PDE4D: variants seen among roughly 807,000 people sequenced by gnomAD.
The protein encoded by PDE4D is phosphodiesterase 4D.
A neutral mutation model predicts 87.4 loss-of-function variants in PDE4D; 24 were observed. That is an observed-to-expected ratio of 0.27 (90% confidence interval 0.20 to 0.39). PDE4D has a LOEUF of 0.39. Ranked by LOEUF, PDE4D falls within the 10% of genes least tolerant of loss-of-function variation. The pLI is 1.00. For missense variants in PDE4D, 714 were observed against 1,041.0 expected, an observed-to-expected ratio of 0.69 and a Z score of 4.32; for synonymous variants, 384 against 383.2, an observed-to-expected ratio of 1.00 and a Z score of -0.02.
intron 1 of PDE4D, among the ~76,000 whole-genome samples, chr5:60,475,914 A>G (rs529110495): frequency 1.3e-5 from 2 of 152,104 alleles, no homozygotes; most frequent in South Asian, 2.1e-4. Context: ...GGTGCCTAAC[A>G]TAGAGTGACA....
intron 1 of PDE4D, among the ~76,000 whole-genome samples, chr5:59,649,956 G>C (rs150136863): frequency 0.01 from 887 of 86,710 alleles, 15 homozygotes; most frequent in African/African-American, 0.037. Flanking sequence ...TGTCACTGTA[G>C]TGTTTCTTCA....
chr5:60,039,264 A>G (rs1217249338), intron 2 of PDE4D, among the ~76,000 whole-genome samples: 1 of 151,750 alleles, frequency 6.6e-6, no homozygotes, highest in Non-Finnish European at 1.5e-5. Context: ...GCCATAAAAA[A>G]ATGAGTTCAT....
At chr5:60,420,776 G>A (rs1743019942) in intron 1 of PDE4D, among the ~76,000 whole-genome samples, 1 of 152,168 alleles carries the variant, frequency 6.6e-6, no homozygotes, top group African/African-American at 2.4e-5. Flanking sequence ...CAAGGGGTTG[G>A]GGGATTTCCC....
intron 1 of PDE4D, among the ~76,000 whole-genome samples, chr5:59,464,386 T>C (rs6880654): frequency 0.19 from 27,974 of 151,058 alleles, 2,879 homozygotes; most frequent in African/African-American, 0.34. Context: ...AGGTGGGACA[T>C]GCGGGCAGCA....
intron 1 of PDE4D, among the ~76,000 whole-genome samples, chr5:59,572,004 C>T (rs1015221412): frequency 2.0e-5 from 3 of 152,160 alleles, no homozygotes; most frequent in Admixed American, 2.0e-4. Context: ...TCATGATTCT[C>T]ATTTTCCTTA....
At chr5:59,840,734 G>A (rs976155953) in intron 1 of PDE4D, among the ~76,000 whole-genome samples, 1 of 152,042 alleles carries the variant, frequency 6.6e-6, no homozygotes, top group East Asian at 1.9e-4. Context: ...CCTTGTTAGG[G>A]AGAACATTAT....
intron 1 of PDE4D, among the ~76,000 whole-genome samples, chr5:60,415,185 C>T (rs1742382781): frequency 6.6e-6 from 1 of 152,250 alleles, no homozygotes; most frequent in East Asian, 1.9e-4. Context: ...TCTGATCAGG[C>T]TATGAGACAA....
chr5:59,988,098 A>G (rs1762621286), intron 3 of PDE4D: 1 of 160,740 alleles, frequency 6.2e-6, no homozygotes, highest in Non-Finnish European at 1.4e-5. Context: ...TTGATTCCAA[A>G]TTCATTTTGC....
intron 1 of PDE4D, among the ~76,000 whole-genome samples, chr5:60,422,801 T>C (rs965673344): frequency 6.6e-6 from 1 of 152,142 alleles, no homozygotes; most frequent in African/African-American, 2.4e-5. Flanking sequence ...AGGAGACCCA[T>C]CTCACATGCA....
chr5:59,804,143 T>C (rs1232023615), intron 1 of PDE4D, among the ~76,000 whole-genome samples: 1 of 152,198 alleles, frequency 6.6e-6, no homozygotes, highest in Non-Finnish European at 1.5e-5. Flanking sequence ...CAGTGTACAC[T>C]GTACCCAATA....
intron 1 of PDE4D, among the ~76,000 whole-genome samples, chr5:60,224,174 T>C (rs1744825134): frequency 6.6e-6 from 1 of 152,134 alleles, no homozygotes; most frequent in South Asian, 2.1e-4. Flanking sequence ...AGATATTGCA[T>C]AATTACAAAA....
intron 5 of PDE4D, among the ~76,000 whole-genome samples, chr5:59,055,093 T>C (rs1762145931): frequency 6.6e-6 from 1 of 152,192 alleles, no homozygotes; most frequent in Non-Finnish European, 1.5e-5. Flanking sequence ...AGGAGACAGA[T>C]AGACCATATG....
Position 59,845,769 on chromosome 5 carries a change from T to G in PDE4D, c.455+47399A>C, listed in dbSNP as rs1743747882. Among the ~76,000 whole-genome samples the G allele has an allele frequency of 2.0e-5, 3 of 152,128 alleles. No individual in the cohort carries two copies. The South Asian group carries it at 6.2e-4, about 31-fold the overall frequency. On this transcript the variant is annotated intron_variant, in intron 1 of 14. Transcript: ENST00000340635. ...TGATTCTATATACAATTTACGGCCT[T>G]GTCAGTTTTTATGTAAAAATCACTT...
chr5:59,322,185 T>G (rs1260220643), intron 1 of PDE4D, among the ~76,000 whole-genome samples: 1 of 152,136 alleles, frequency 6.6e-6, no homozygotes, highest in Non-Finnish European at 1.5e-5. Context: ...TTTTTATAAG[T>G]GTGCTGGATT....
intron 1 of PDE4D, among the ~76,000 whole-genome samples, chr5:59,720,623 A>G (rs567886261): frequency 4.5e-4 from 68 of 152,312 alleles, no homozygotes; most frequent in African/African-American, 1.6e-3. Context: ...CACAAGATCA[A>G]GTGGTTTAAT....
intron 1 of PDE4D, among the ~76,000 whole-genome samples, chr5:59,359,318 G>A (rs1053959011): frequency 1.3e-5 from 2 of 152,130 alleles, no homozygotes; most frequent in African/African-American, 2.4e-5. Context: ...TTGAAACTCT[G>A]CTTCATTTTC....
chr5:59,394,076 T>C (rs1002232301), intron 1 of PDE4D, among the ~76,000 whole-genome samples: 3 of 152,222 alleles, frequency 2.0e-5, no homozygotes, highest in Non-Finnish European at 4.4e-5. Context: ...CCACCTTTAG[T>C]GATCTCAAGT....
At chr5:60,337,351 C>CAAAATATATATA (rs1491477498) in intron 1 of PDE4D, among the ~76,000 whole-genome samples, 53 of 62,254 alleles carry the variant, frequency 8.5e-4, no homozygotes, top group South Asian at 3.2e-3. Context: ...AACAAACAAA[C>CAAAATATATATA]TATATATATA....
chr5:59,430,522 G>A, intron 1 of PDE4D: 1 of 906,150 alleles, frequency 1.1e-6, no homozygotes, highest in Non-Finnish European at 1.4e-6. Context: ...GACATATGCT[G>A]CTCACTGGTT....
Sources: allele counts gnomAD v4.1 joint callset (sites outside exome capture counted in the v4.1 genomes callset), GRCh38; gene constraint gnomAD v4.1.1; transcripts MANE v1.5; gene names NCBI Gene and HGNC (gene_info 2026-07-23, HGNC 2026-07-21).